AKT1: variants seen among roughly 807,000 people sequenced by gnomAD.
AKT1 encodes AKT serine/threonine kinase 1.
A neutral mutation model predicts 63.1 loss-of-function variants in AKT1; 21 were observed. The ratio of observed to expected loss-of-function variants is 0.33; its 90% CI spans 0.24 to 0.48. The LOEUF (loss-of-function observed/expected upper bound fraction) is 0.48. Among genes scored for constraint, AKT1 ranks in the 20% least tolerant of loss-of-function variants. The pLI, the probability that AKT1 is intolerant of heterozygous loss-of-function variation, is 0.99. For synonymous variants in AKT1, 257 were observed against 253.1 expected (o/e 1.02, Z -0.15); for missense variants, 382 against 666.0 (o/e 0.57, Z 4.69).
At position 104,791,934 on chromosome 14, in the gene AKT1, G is replaced by A. The variant is rs373433130; in HGVS notation, c.46+664C>T. Among the ~76,000 whole-genome samples, 5 of 152,322 alleles carry A rather than the reference G, an allele frequency of 3.3e-5. No individual in the cohort carries two copies. In the East Asian group the frequency reaches 5.8e-4, roughly 18 times the overall value. On this transcript the variant is annotated intron_variant, in intron 3 of 14. Transcript: ENST00000649815. ...AGCCACCCAGACTCCACCGCACCCC[G>A]CTGAGCAACGGAGGGTGGGTGAGGC...
chr14:104,795,550 G>A lies in AKT1; in HGVS notation c.-324C>T, dbSNP rs925756256. ...CGCGGCCTCCGGCGCCCGCCGCTCC[G>A]CATCCCCGCGGGCCGGCGCTGGGCG... On this transcript the variant is annotated 5_prime_UTR_variant, in exon 1 of 15. Coordinates refer to ENST00000649815, the MANE Select transcript of AKT1 (RefSeq NM_001382430.1). The surrounding 1 kb of genome is among the most constrained non-coding windows in gnomAD (Gnocchi z 5.1). 2.1e-5 allele frequency: 3 copies of A among 145,764 alleles called. No homozygotes were observed. Among genetic ancestry groups the A allele is most frequent in the Admixed American group, 2.0e-4 (3 of 14,692 alleles). 9.0% of individuals were successfully genotyped at this position (145,764 alleles called of 1,614,324 possible).
intron 12 of AKT1, 109 bp downstream of exon 12, chr14:104,772,769 G>A: frequency 8.3e-7 from 1 of 1,207,940 alleles, no homozygotes; most frequent in Non-Finnish European, 1.1e-6. Flanking sequence ...TCAAGCTTTG[G>A]CTATCAGTGT....
intron 3 of AKT1, among the ~76,000 whole-genome samples, chr14:104,783,916 A>G (rs2140972928): frequency 6.6e-6 from 1 of 152,308 alleles, no homozygotes; most frequent in South Asian, 2.1e-4. Flanking sequence ...AAATGTCAGC[A>G]AGTCCGGATG....
Position 104,792,418 on chromosome 14 carries a change from C to T in AKT1, c.46+180G>A, listed in dbSNP as rs148300802. ...CAGGGCCTCATCCTCCTGGCCTCCC[C>T]GAGGCCGTGCCCTCCATGCCATGGG... On this transcript the variant is annotated intron_variant, in intron 3 of 14. Coordinates refer to ENST00000649815, the MANE Select transcript of AKT1 (RefSeq NM_001382430.1). Among the ~76,000 whole-genome samples, 52 of 152,262 alleles carry T rather than the reference C, an allele frequency of 3.4e-4. No homozygotes were observed. In the Middle Eastern group the frequency reaches 0.014, roughly 40 times the overall value.
At chr14:104,777,852 G>A (rs1892824109) in intron 4 of AKT1, 1 of 324,432 alleles carries the variant, frequency 3.1e-6, no homozygotes, top group Non-Finnish European at 4.4e-6. Context: ...TGGGGAGGGT[G>A]GCCTGTGTCA....
rs1005232632 is a variant in AKT1 at position 104,769,908 on chromosome 14, C to G, written c.*433G>C. ...ACCATAGTGAGGTTGCATCTGGTGC[C>G]ACCAGGTTGAACTGAGGCCCAGGGC... is the stretch of plus-strand genomic sequence containing the variant. On this transcript the variant is annotated 3_prime_UTR_variant, in exon 15 of 15. Coordinates refer to ENST00000649815, the MANE Select transcript of AKT1 (RefSeq NM_001382430.1). The G allele has an allele frequency of 2.5e-6, 1 of 396,534 alleles. No homozygotes were observed. Among genetic ancestry groups the G allele is most frequent in the Non-Finnish European group, 4.7e-6 (1 of 213,570 alleles). 24.6% of individuals were successfully genotyped at this position (396,534 alleles called of 1,614,324 possible).
chr14:104,777,029 A>C, intron 4 of AKT1: 1 of 454,160 alleles, frequency 2.2e-6, no homozygotes. Context: ...AACCCCCACC[A>C]TCGTCCACTC....
At chr14:104,775,555 G>C in intron 6 of AKT1, 97 bp downstream of exon 6, 1 of 1,493,832 alleles carries the variant, frequency 6.7e-7, no homozygotes, top group South Asian at 1.3e-5. Flanking sequence ...GTGGAGTGCT[G>C]AGTGTCTCCT....
rs376072144 is a variant in AKT1, at chr14:104,773,437, G to A, written c.828+18C>T. ...CAGGCCCCCAGGGCCCTGCCCCCCT[G>A]CCTGCCCGCCAGCGCACCTTGAGGT... is the stretch of plus-strand genomic sequence containing the variant. On this transcript the variant is annotated intron_variant, in intron 10 of 14. Coordinates refer to ENST00000649815, the MANE Select transcript of AKT1 (RefSeq NM_001382430.1). 3 of 1,613,798 alleles carry A rather than the reference G, an allele frequency of 1.9e-6. No individual in the cohort carries two copies. Among genetic ancestry groups the A allele is most frequent in the African/African-American group, 1.3e-5 (1 of 74,940 alleles).
chr14:104,771,014 A>G (rs1595239375), intron 13 of AKT1, 167 bp from the exon 14 acceptor site: 1 of 629,630 alleles, frequency 1.6e-6, no homozygotes, highest in Non-Finnish European at 2.8e-6. Context: ...CAGCTCTGGG[A>G]GGGAGGGACA....
At position 104,773,258 on chromosome 14, in the gene AKT1, GC is replaced by G. The variant is rs780293460; in HGVS notation, c.949del (p.Ala317ProfsTer26). On this transcript the variant is annotated frameshift_variant, in exon 11 of 15. Coordinates refer to ENST00000649815, the MANE Select transcript of AKT1 (RefSeq NM_001382430.1). LOFTEE classifies it high-confidence loss of function. The part of the protein sequence containing the change: ...KTFCGTPEYL[A>X]PEVLEDNDYG... ...CGCAGGTGGGGCGCACACCTCGGGG[GC>G]CAGGTACTCAGGTGTGCCGCAAAAG... The G allele has an allele frequency of 1.2e-6, 2 of 1,614,196 alleles. No individual in the cohort carries two copies. The highest frequency in any genetic ancestry group is 8.5e-7 in the Non-Finnish European group (1 of 1,180,012).
At chr14:104,791,151 C>T (rs1433275504) in intron 3 of AKT1, among the ~76,000 whole-genome samples, 6 of 152,094 alleles carry the variant, frequency 3.9e-5, no homozygotes, top group Non-Finnish European at 2.9e-5. Context: ...CTGGGTCAGC[C>T]CGAGATCCAA....
intron 1 of AKT1, chr14:104,793,566 A>C (rs1893733258): frequency 5.7e-6 from 1 of 175,660 alleles, no homozygotes; most frequent in Non-Finnish European, 1.2e-5. Flanking sequence ...GTCAGTGAGG[A>C]GCACCCAGTC....
Position 104,776,750 on chromosome 14 carries a change from C to G in AKT1, c.196G>C (p.Glu66Gln), listed in dbSNP as rs2140930960. ...SVAQCQLMKT[E>Q]RPRPNTFIIR... ...ATGAAGGTGTTGGGCCGGGGCCGCT[C>G]CGTCTTCATCAGCTGGCACTCTGCG... The change falls in exon 5 of 15, where the codon GAG becomes CAG. Residue 66 changes from glutamate (E) to glutamine (Q), a missense_variant. Physicochemically the swap from Glu to Gln is conservative, Grantham distance 29. Coordinates refer to ENST00000649815, the MANE Select transcript of AKT1 (RefSeq NM_001382430.1). The G allele has an allele frequency of 6.2e-7, 1 of 1,613,150 alleles. No individual in the cohort carries two copies. The highest frequency in any genetic ancestry group is 8.5e-7 in the Non-Finnish European group (1 of 1,179,814).
Position 104,795,536 on chromosome 14 carries a change from G to A in AKT1, c.-310C>T, listed in dbSNP as rs968504950. On this transcript the variant is annotated 5_prime_UTR_variant, in exon 1 of 15. Coordinates refer to ENST00000649815, the MANE Select transcript of AKT1 (RefSeq NM_001382430.1). The surrounding 1 kb of genome is among the most constrained non-coding windows in gnomAD (Gnocchi z 5.1). Reference sequence around the variant, plus strand: ...GGGCCTAGCCGGGCCGCGGCCTCCGGCGCCCGCCGCTCCGCATCCCCGCGG... The same window carrying A: ...GGGCCTAGCCGGGCCGCGGCCTCCGACGCCCGCCGCTCCGCATCCCCGCGG... The A allele has an allele frequency of 6.9e-6, 1 of 145,818 alleles. No individual in the cohort carries two copies. The highest frequency in any genetic ancestry group is 2.0e-4 in the East Asian group (1 of 5,048). 9.0% of individuals were successfully genotyped at this position (145,818 alleles called of 1,614,324 possible). A position where few individuals can be genotyped will look rare whatever the true frequency, so the allele number is the denominator to read the frequency against.
rs369048965 is a variant in AKT1 at position 104,773,099 on chromosome 14, G to C, written c.958-7C>G. On this transcript the variant is annotated splice_region_variant and splice_polypyrimidine_tract_variant and intron_variant, in intron 11 of 14. Transcript: ENST00000649815. The stretch of plus-strand genomic sequence containing the variant: ...AGTCATTGTCCTCCAGCACCTGCAC[G>C]GGTGGCAGATGGGCAGGACTCGGCA... The C allele has an allele frequency of 1.2e-6, 2 of 1,613,702 alleles. No homozygotes were observed. The highest frequency in any genetic ancestry group is 1.7e-6 in the Non-Finnish European group (2 of 1,179,812).
At position 104,795,276 on chromosome 14, in the gene AKT1, C is replaced by A. The variant is rs1478025271; in HGVS notation, c.-258+208G>T. ...GGCTGGGGCCGGCAGCCTGCACCCC[C>A]GGCGCCCGGCGTGGGGCCGCCCTCC... On this transcript the variant is annotated intron_variant, in intron 1 of 14. Coordinates refer to ENST00000649815, the MANE Select transcript of AKT1 (RefSeq NM_001382430.1). This position sits in a 1 kb window ranked among gnomAD's most constrained non-coding sequence, Gnocchi z 5.1. Among the ~76,000 whole-genome samples, 1 of 150,882 alleles carries A rather than the reference C, an allele frequency of 6.6e-6. No homozygotes were observed. Among genetic ancestry groups the A allele is most frequent in the East Asian group, 1.9e-4 (1 of 5,148 alleles).
At position 104,780,092 on chromosome 14, in the gene AKT1, C is replaced by T. The variant is rs769881484; in HGVS notation, c.171G>A (p.Val57=). The T allele has an allele frequency of 8.7e-6, 14 of 1,613,422 alleles. No individual in the cohort carries two copies. In the South Asian group the frequency reaches 1.5e-4, roughly 18 times the overall value. The change falls in exon 4 of 15, where the codon GTG becomes GTA. Residue 57 remains valine, a synonymous_variant. Coordinates refer to ENST00000649815, the MANE Select transcript of AKT1 (RefSeq NM_001382430.1). ...AGAGGCCAAGGGGATACTTACGCGC[C>T]ACAGAGAAGTTGTTGAGGGGAGCCT... ...QREAPLNNFS[V]AQCQLMKTER...
chr14:104,780,026 G>C (rs2140947805), intron 4 of AKT1, 62 bp downstream of exon 4: 1 of 1,586,374 alleles, frequency 6.3e-7, no homozygotes, highest in Non-Finnish European at 8.6e-7. Context: ...GGGCCTGGTG[G>C]GCAAAGAGGG....
Sources: gnomAD v4.1 joint callset for allele counts (sites outside exome capture counted in the v4.1 genomes callset) on GRCh38, gnomAD v4.1.1 for gene constraint, Gnocchi (gnomAD v3.1) non-coding constraint, MANE v1.5 for transcripts, NCBI Gene and HGNC (gene_info 2026-07-23, HGNC 2026-07-21) for gene names.